RALGPS1: variants seen among roughly 807,000 people sequenced by gnomAD.
RALGPS1 encodes ras-specific guanine nucleotide-releasing factor RalGPS1.
In RALGPS1, 19 loss-of-function variants were observed where a neutral mutation model predicts 78.8. The observed-to-expected ratio is 0.24, with a 90% CI of 0.17 to 0.35. The LOEUF is 0.35. Among genes scored for constraint, RALGPS1 ranks in the 10% least tolerant of loss-of-function variants. RALGPS1 has a pLI of 1.00. For synonymous variants in RALGPS1, 228 were observed against 256.3 expected, an observed-to-expected ratio of 0.89 and a Z score of 1.06; for missense variants, 454 against 688.3, an observed-to-expected ratio of 0.66 and a Z score of 3.81.
Position 127,183,739 on chromosome 9 carries a change from A to T in RALGPS1, c.910+8957A>T. On this transcript the variant is annotated intron_variant, in intron 11 of 18. Transcript: ENST00000259351. This position sits in a 1 kb window ranked among gnomAD's most constrained non-coding sequence, Gnocchi z 4.0. ...TCTCCATGTGCTCCTCTCTCTGGAAACATACTCTCTCTGCCCGTTTATATT... is the reference window on the plus strand; with the variant it reads ...TCTCCATGTGCTCCTCTCTCTGGAATCATACTCTCTCTGCCCGTTTATATT... 1 of 791,640 alleles carries T rather than the reference A, an allele frequency of 1.3e-6. No homozygotes were observed. Among genetic ancestry groups the T allele is most frequent in the Non-Finnish European group, 2.0e-6 (1 of 509,400 alleles). The allele number at this position is 791,640 out of a possible 1,614,324, so 49.0% of individuals were successfully genotyped here. A position where few individuals can be genotyped will look rare whatever the true frequency, so the allele number is the denominator to read the frequency against.
At chr9:127,067,780 C>T (rs1430903693) in intron 7 of RALGPS1, among the ~76,000 whole-genome samples, 1 of 152,204 alleles carries the variant, frequency 6.6e-6, no homozygotes, top group Non-Finnish European at 1.5e-5. Flanking sequence ...AAGCACTAGG[C>T]CCTGGCAGCT....
intron 1 of RALGPS1, among the ~76,000 whole-genome samples, chr9:126,938,173 G>A (rs1276689473): frequency 6.6e-6 from 1 of 152,162 alleles, no homozygotes; most frequent in Non-Finnish European, 1.5e-5. Context: ...GTGGCAAAAA[G>A]GTGAAAAGAA....
rs1015893524 is a variant in RALGPS1, at chr9:127,212,443, G to A, written c.1354-184G>A. On this transcript the variant is annotated intron_variant, in intron 15 of 18. Coordinates refer to ENST00000259351, the MANE Select transcript of RALGPS1 (RefSeq NM_014636.3). This position sits in a 1 kb window ranked among gnomAD's most constrained non-coding sequence, Gnocchi z 6.0. ...CTCCTTGAGTAAAGGAGCAAGAGAC[G>A]GGAGGGAAGACGCCTCCTGTCTTGG... Among the ~76,000 whole-genome samples, 3 of 152,172 alleles carry A rather than the reference G, an allele frequency of 2.0e-5. No individual in the cohort carries two copies. The highest frequency in any genetic ancestry group is 2.1e-4 in the South Asian group (1 of 4,826).
At position 127,221,142 on chromosome 9, in the gene RALGPS1, G is replaced by T. The variant is rs568125938; in HGVS notation, c.*2373G>T. 14 of 152,320 alleles carry T rather than the reference G, an allele frequency of 9.2e-5. No homozygotes were observed. The highest frequency in any genetic ancestry group is 3.4e-4 in the African/African-American group (14 of 41,562). 9.4% of individuals were successfully genotyped at this position (152,320 alleles called of 1,614,324 possible). A position where few individuals can be genotyped will look rare whatever the true frequency, so the allele number is the denominator to read the frequency against. On this transcript the variant is annotated 3_prime_UTR_variant, in exon 19 of 19. Transcript: ENST00000259351. ...AAGACACTCAGCTCTCTAAGCAGGG[G>T]CTCGGCCAAACATGGGAGTTAAGTG...
intron 5 of RALGPS1, among the ~76,000 whole-genome samples, chr9:127,037,742 T>C (rs1371498092): frequency 1.3e-5 from 2 of 152,278 alleles, no homozygotes; most frequent in African/African-American, 4.8e-5. Context: ...AAAGACCTGC[T>C]GCTTTTTCAG....
chr9:126,944,550 A>G (rs1371966310), intron 1 of RALGPS1, among the ~76,000 whole-genome samples: 1 of 91,816 alleles, frequency 1.1e-5, no homozygotes, highest in African/African-American at 4.4e-5. Flanking sequence ...TTTTAGACCT[A>G]TTCCTAAGGG....
intron 8 of RALGPS1, among the ~76,000 whole-genome samples, chr9:127,111,568 G>C (rs1330760260): frequency 6.6e-6 from 1 of 152,252 alleles, no homozygotes. Context: ...GTGACTGCCT[G>C]AGGAGGTCAG....
intron 1 of RALGPS1, among the ~76,000 whole-genome samples, chr9:126,949,352 G>T (rs1254855285): frequency 6.6e-6 from 1 of 152,042 alleles, no homozygotes; most frequent in Non-Finnish European, 1.5e-5. Flanking sequence ...TGGGTCAAAT[G>T]GTATTTCTAG....
chr9:127,138,350 C>T (rs1284582375), intron 8 of RALGPS1, among the ~76,000 whole-genome samples: 2 of 152,146 alleles, frequency 1.3e-5, no homozygotes, highest in Non-Finnish European at 2.9e-5. Flanking sequence ...GGCCAGAATG[C>T]CAGGTCCTGC....
chr9:127,181,771 G>A (rs1469334908), intron 11 of RALGPS1, among the ~76,000 whole-genome samples: 1 of 152,026 alleles, frequency 6.6e-6, no homozygotes, highest in African/African-American at 2.4e-5. Flanking sequence ...TGGCAACTGG[G>A]GGAGAGGATA....
At chr9:127,053,603 C>T (rs1008253561) in intron 7 of RALGPS1, among the ~76,000 whole-genome samples, 1 of 152,184 alleles carries the variant, frequency 6.6e-6, no homozygotes, top group Non-Finnish European at 1.5e-5. Context: ...GGGTCTCTCA[C>T]AGCCACACAG....
intron 8 of RALGPS1, among the ~76,000 whole-genome samples, chr9:127,074,459 G>A (rs892599297): frequency 5.3e-5 from 8 of 152,172 alleles, no homozygotes; most frequent in African/African-American, 1.9e-4. Context: ...GCATGTTGCT[G>A]TGCAGAGCTC....
At chr9:127,131,879 C>T (rs1256612507) in intron 8 of RALGPS1, among the ~76,000 whole-genome samples, 1 of 152,178 alleles carries the variant, frequency 6.6e-6, no homozygotes, top group Non-Finnish European at 1.5e-5. Context: ...CGAGCTTTTG[C>T]GCTTCAAGAT....
chr9:127,136,097 C>T lies in RALGPS1; in HGVS notation c.611-29972C>T, dbSNP rs372536896. Among the ~76,000 whole-genome samples the T allele has an allele frequency of 3.3e-5, 5 of 152,302 alleles. 1 individual carries two copies. Among genetic ancestry groups the T allele is most frequent in the East Asian group, 1.9e-4 (1 of 5,174 alleles). Reference sequence around the variant, plus strand: ...TCCAGATTCCTCAATAAAGTAGTAACGACTTCAGCCATCCAGTGACCCCAG... The same window carrying T: ...TCCAGATTCCTCAATAAAGTAGTAATGACTTCAGCCATCCAGTGACCCCAG... On this transcript the variant is annotated intron_variant, in intron 8 of 18. Transcript: ENST00000259351.
chr9:126,989,189 G>A (rs1348013378), intron 4 of RALGPS1, among the ~76,000 whole-genome samples: 1 of 152,204 alleles, frequency 6.6e-6, no homozygotes, highest in Non-Finnish European at 1.5e-5. Flanking sequence ...AAATAATGGA[G>A]GGAGGAGGAT....
intron 4 of RALGPS1, among the ~76,000 whole-genome samples, chr9:127,017,924 T>C (rs1393154308): frequency 6.6e-6 from 1 of 152,150 alleles, no homozygotes; most frequent in Non-Finnish European, 1.5e-5. Flanking sequence ...CCTATAATAA[T>C]GCCTTCTTCT....
intron 10 of RALGPS1, 113 bp downstream of exon 10, chr9:127,168,885 G>C (rs2139697913): frequency 1.3e-6 from 1 of 793,844 alleles, no homozygotes; most frequent in East Asian, 2.5e-5. Context: ...GCCACCTGCA[G>C]GGCTTATCAG....
rs2061272447 is a variant in RALGPS1 at position 127,194,943 on chromosome 9, G to C, written c.911-148G>C. 20 of 852,322 alleles carry C rather than the reference G, an allele frequency of 2.3e-5. No homozygotes were observed. The South Asian group carries it at 2.9e-4, about 12-fold the overall frequency. 52.8% of individuals were successfully genotyped at this position (852,322 alleles called of 1,614,324 possible). Reference sequence around the variant, plus strand: ...TATCTAATGAGTAGGAAGCTACAGAGCTCATATGAACCTTGCCCCACCTGT... The same window carrying C: ...TATCTAATGAGTAGGAAGCTACAGACCTCATATGAACCTTGCCCCACCTGT... On this transcript the variant is annotated intron_variant, in intron 11 of 18. Coordinates refer to ENST00000259351, the MANE Select transcript of RALGPS1 (RefSeq NM_014636.3).
chr9:126,922,547 C>T (rs182737069), intron 1 of RALGPS1, among the ~76,000 whole-genome samples: 375 of 152,280 alleles, frequency 2.5e-3, no homozygotes, highest in Admixed American at 4.5e-3. Flanking sequence ...GCATAAAGTT[C>T]GTTATGTGGA....
Sources: allele counts gnomAD v4.1 joint callset (sites outside exome capture counted in the v4.1 genomes callset), GRCh38; gene constraint gnomAD v4.1.1; non-coding constraint Gnocchi (gnomAD v3.1); transcripts MANE v1.5; gene names NCBI Gene and HGNC (gene_info 2026-07-23, HGNC 2026-07-21).